ARHGEF4: variants seen among roughly 807,000 people sequenced by gnomAD.
The protein encoded by ARHGEF4 is APC-stimulated guanine nucleotide exchange factor 1.
ARHGEF4 carries 119 observed loss-of-function variants against 162.0 expected under a neutral mutation model. The ratio of observed to expected loss-of-function variants is 0.73; its 90% CI spans 0.63 to 0.86. ARHGEF4 has a LOEUF of 0.86. Among genes scored for constraint, ARHGEF4 ranks in the 40% least tolerant of loss-of-function variants. ARHGEF4 has a pLI of 0.00. For synonymous variants in ARHGEF4, 1,014 were observed against 979.9 expected, an observed-to-expected ratio of 1.03 and a Z score of -0.65; for missense variants, 2,488 against 2,456.0, an observed-to-expected ratio of 1.01 and a Z score of -0.28.
chr2:130,903,754 C>T (rs1310017020), intron 1 of ARHGEF4, among the ~76,000 whole-genome samples: 1 of 152,150 alleles, frequency 6.6e-6, no homozygotes, highest in Non-Finnish European at 1.5e-5. Flanking sequence ...GTTTAGCTCC[C>T]ACTTACAAGT....
At chr2:130,956,144 G>C (rs528397107) in intron 4 of ARHGEF4, among the ~76,000 whole-genome samples, 5 of 152,268 alleles carry the variant, frequency 3.3e-5, no homozygotes, top group African/African-American at 9.6e-5. Context: ...TGCCCCTACT[G>C]GGGGGTACCT....
chr2:130,984,554 G>A (rs1207198752), intron 4 of ARHGEF4, among the ~76,000 whole-genome samples: 1 of 19,662 alleles, frequency 5.1e-5, no homozygotes, highest in African/African-American at 6.2e-5. Flanking sequence ...GCCGGGTGTA[G>A]TGGCTGCGCC....
chr2:130,993,903 C>G (rs922665083), intron 4 of ARHGEF4, among the ~76,000 whole-genome samples: 2 of 152,104 alleles, frequency 1.3e-5, no homozygotes, highest in African/African-American at 4.8e-5. Context: ...CCTGCCTCAT[C>G]CCCCTGAGTA....
At chr2:130,985,415 A>G (rs1025415573) in intron 4 of ARHGEF4, among the ~76,000 whole-genome samples, 3 of 152,176 alleles carry the variant, frequency 2.0e-5, no homozygotes, top group Non-Finnish European at 2.9e-5. Context: ...TGCTACAGAA[A>G]AAGGCTATAA....
Position 130,916,133 on chromosome 2 carries a change from A to G in ARHGEF4, c.2187A>G (p.Thr729=), listed in dbSNP as rs1183246030. 7.7e-6 allele frequency: 12 copies of G among 1,549,350 alleles called. No homozygotes were observed. Among genetic ancestry groups the G allele is most frequent in the South Asian group, 3.6e-5 (3 of 84,022 alleles). ...CTGCTTCGGAAGAGACGCCGAGCAC[A>G]GAGGAGCCCCCGGGAGAGAGACTGC... ...PQAASEETPS[T]EEPPGERLRG... is the part of the protein sequence containing the mutation. Residue 729 remains threonine, a synonymous_variant, in exon 2 of 14, where the codon ACA becomes ACG. Transcript: ENST00000409359.
At chr2:131,011,783 T>C (rs1309439669) in intron 4 of ARHGEF4, 4 of 878,410 alleles carry the variant, frequency 4.6e-6, no homozygotes, top group African/African-American at 3.3e-5. Flanking sequence ...AGGAATGATG[T>C]GATTTATTGT....
chr2:130,849,568 C>CTT (rs879574941), intron 1 of ARHGEF4, among the ~76,000 whole-genome samples: 6 of 142,932 alleles, frequency 4.2e-5, no homozygotes, highest in Non-Finnish European at 4.6e-5. Context: ...ATCTAGGATA[C>CTT]TTTTTTTTTT....
Position 130,964,274 on chromosome 2 carries a change from C to T in ARHGEF4, c.3985+17639C>T, listed in dbSNP as rs1028693591. Reference sequence around the variant, plus strand: ...GGTAAGGACGCCGCCATCCCCGCGCCGCACGCGCCCTCCGCGCCCGGGTCT... The same window carrying T: ...GGTAAGGACGCCGCCATCCCCGCGCTGCACGCGCCCTCCGCGCCCGGGTCT... On this transcript the variant is annotated intron_variant, in intron 4 of 13. Transcript: ENST00000409359. The T allele has an allele frequency of 5.1e-6, 5 of 985,602 alleles. No homozygotes were observed. The African/African-American group carries it at 8.7e-5, about 17-fold the overall frequency. The allele number at this position is 985,602 out of a possible 1,614,324, so 61.1% of individuals were successfully genotyped here.
intron 4 of ARHGEF4, 135 bp downstream of exon 4, chr2:130,946,770 T>C: frequency 7.7e-7 from 1 of 1,301,820 alleles, no homozygotes; most frequent in Non-Finnish European, 1.1e-6. Flanking sequence ...ACAATTGTCC[T>C]CTTCCTTCAG....
At chr2:130,940,663 C>T (rs1220044332) in intron 3 of ARHGEF4, among the ~76,000 whole-genome samples, 2 of 146,286 alleles carry the variant, frequency 1.4e-5, no homozygotes, top group East Asian at 4.2e-4. Flanking sequence ...CCCGTCTCTA[C>T]TAAAAATAAA....
chr2:130,988,531 A>G (rs980271637), intron 4 of ARHGEF4, among the ~76,000 whole-genome samples: 1 of 152,202 alleles, frequency 6.6e-6, no homozygotes, highest in Non-Finnish European at 1.5e-5. Flanking sequence ...TCCAACCCAG[A>G]AACAATTGCT....
In ARHGEF4 at chr2:130,916,268, G is replaced by T. The variant is rs1248963197; in HGVS notation, c.2322G>T (p.Pro774=). ...GCCCCCGCGTCCCCGCCTTGGAGCC[G>T]CCCCAGCCGCCACGCGGGCTCCGCA... ...GQRPRVPALE[P]PQPPRGLRKG... Residue 774 remains proline (P), a synonymous_variant, in exon 2 of 14, where the codon CCG becomes CCT. Transcript: ENST00000409359. The T allele has an allele frequency of 7.9e-6, 12 of 1,525,016 alleles. No homozygotes were observed. The highest frequency in any genetic ancestry group is 1.1e-5 in the Non-Finnish European group (12 of 1,138,938). The allele number at this position is 1,525,016 out of a possible 1,614,324, so 94.5% of individuals were successfully genotyped here.
rs1259873323 is a variant in ARHGEF4 at position 130,964,052 on chromosome 2, C to T, written c.3985+17417C>T. ...GAGCTCGGGCCCGCCTGCGTGCGGG[C>T]GCAGCAATGCCCCAGCGAGTCAAGC... On this transcript the variant is annotated intron_variant, in intron 4 of 13. Transcript: ENST00000409359. The T allele has an allele frequency of 3.3e-5, 18 of 541,668 alleles. No individual in the cohort carries two copies. The South Asian group carries it at 9.0e-4, about 27-fold the overall frequency. 33.6% of individuals were successfully genotyped at this position (541,668 alleles called of 1,614,324 possible).
intron 4 of ARHGEF4, among the ~76,000 whole-genome samples, chr2:130,982,376 G>A (rs1286832990): frequency 6.6e-6 from 1 of 151,968 alleles, no homozygotes; most frequent in African/African-American, 2.4e-5. Context: ...TTCTCCAATT[G>A]TCTATCAGGT....
At chr2:131,010,910 G>A (rs1188039025) in intron 4 of ARHGEF4, among the ~76,000 whole-genome samples, 1 of 152,230 alleles carries the variant, frequency 6.6e-6, no homozygotes, top group Non-Finnish European at 1.5e-5. Context: ...TCGTGTTTAT[G>A]TGTTTAAAGC....
At chr2:130,977,296 T>A (rs189132411) in intron 4 of ARHGEF4, among the ~76,000 whole-genome samples, 69 of 152,046 alleles carry the variant, frequency 4.5e-4, no homozygotes, top group African/African-American at 1.6e-3. Context: ...AGTGTTAGTA[T>A]GCATAGTGTG....
chr2:130,861,060 T>C (rs1681991670), intron 1 of ARHGEF4, among the ~76,000 whole-genome samples: 1 of 79,368 alleles, frequency 1.3e-5, no homozygotes, highest in African/African-American at 6.9e-5. Flanking sequence ...ACTGTCACAC[T>C]AGAACATATT....
intron 5 of ARHGEF4, chr2:131,035,363 C>T: frequency 6.7e-6 from 7 of 1,051,300 alleles, no homozygotes; most frequent in South Asian, 4.8e-5. Flanking sequence ...GGAAGGCCTC[C>T]TTCCACCCCA....
chr2:130,924,945 A>G (rs1682140206), intron 2 of ARHGEF4, among the ~76,000 whole-genome samples: 1 of 151,992 alleles, frequency 6.6e-6, no homozygotes, highest in Non-Finnish European at 1.5e-5. Flanking sequence ...CACTTTATGG[A>G]ATGAATGCTG....
Sources: gnomAD v4.1 joint callset for allele counts (sites outside exome capture counted in the v4.1 genomes callset) on GRCh38, gnomAD v4.1.1 for gene constraint, MANE v1.5 for transcripts, NCBI Gene and HGNC (gene_info 2026-07-23, HGNC 2026-07-21) for gene names.